Variants in TMEM132D observed in about 807,000 individuals in gnomAD.
The protein encoded by TMEM132D is mature OL transmembrane protein.
A neutral mutation model predicts 62.3 loss-of-function variants in TMEM132D; 21 were observed. The ratio of observed to expected loss-of-function variants is 0.34; its 90% CI spans 0.24 to 0.49. TMEM132D has a LOEUF of 0.49. Among genes scored for constraint, TMEM132D ranks in the 20% least tolerant of loss-of-function variants. The probability of loss-of-function intolerance (pLI) is 0.99; values close to 1 mark genes in which losing one functional copy is unlikely to be tolerated. For missense variants in TMEM132D, 1,346 were observed against 1,402.8 expected, an observed-to-expected ratio of 0.96 and a Z score of 0.65; for synonymous variants, 621 against 575.6, an observed-to-expected ratio of 1.08 and a Z score of -1.13.
chr12:129,368,936 G>C (rs914812198), intron 3 of TMEM132D, among the ~76,000 whole-genome samples: 1 of 152,050 alleles, frequency 6.6e-6, no homozygotes, highest in African/African-American at 2.4e-5. Context: ...CTGTTTCCTC[G>C]TTCCCACCTG....
At chr12:129,664,002 GGGA>G (rs1298936594) in intron 2 of TMEM132D, among the ~76,000 whole-genome samples, 1 of 152,142 alleles carries the variant, frequency 6.6e-6, no homozygotes, top group East Asian at 1.9e-4. Flanking sequence ...ACATTCAAAA[GGGA>G]GGAGAACTGT....
chr12:129,712,102 C>A (rs906091776), intron 1 of TMEM132D, among the ~76,000 whole-genome samples: 1 of 151,876 alleles, frequency 6.6e-6, no homozygotes, highest in Non-Finnish European at 1.5e-5. Flanking sequence ...ATGTTTTCAT[C>A]TTTATTATTT....
At chr12:129,343,737 C>T (rs751555979) in intron 3 of TMEM132D, among the ~76,000 whole-genome samples, 5 of 148,274 alleles carry the variant, frequency 3.4e-5, no homozygotes, top group Non-Finnish European at 7.4e-5. Context: ...CATGGTGAAG[C>T]CTCATCTCTT....
chr12:129,121,765 A>T (rs1876073191), intron 5 of TMEM132D, among the ~76,000 whole-genome samples: 1 of 152,206 alleles, frequency 6.6e-6, no homozygotes, highest in South Asian at 2.1e-4. Flanking sequence ...GATGATCAAA[A>T]GCCATGGTAA....
At chr12:129,833,871 G>T (rs1223027695) in intron 1 of TMEM132D, among the ~76,000 whole-genome samples, 1 of 152,090 alleles carries the variant, frequency 6.6e-6, no homozygotes, top group Non-Finnish European at 1.5e-5. Flanking sequence ...CTCGGCTGTT[G>T]TTCCTAATGC....
chr12:129,394,398 G>A (rs1190428935), intron 3 of TMEM132D, among the ~76,000 whole-genome samples: 2 of 152,274 alleles, frequency 1.3e-5, no homozygotes, highest in African/African-American at 4.8e-5. Context: ...GACCCAGTTG[G>A]TCAATACAAT....
intron 2 of TMEM132D, among the ~76,000 whole-genome samples, chr12:129,583,293 T>C (rs1213744591): frequency 6.6e-6 from 1 of 152,118 alleles, no homozygotes; most frequent in Admixed American, 6.5e-5. Flanking sequence ...AAAACTATAG[T>C]GATGGGAAGC....
At chr12:129,356,487 T>G (rs979131984) in intron 3 of TMEM132D, among the ~76,000 whole-genome samples, 7 of 151,316 alleles carry the variant, frequency 4.6e-5, no homozygotes, top group African/African-American at 1.7e-4. Flanking sequence ...GATGCCGAAG[T>G]CAATTAACAA....
intron 4 of TMEM132D, among the ~76,000 whole-genome samples, chr12:129,250,255 T>TG (rs1237157193): frequency 8.5e-5 from 13 of 152,210 alleles, no homozygotes; most frequent in Admixed American, 8.5e-4. Flanking sequence ...AAGGAATTCA[T>TG]GGCTAAGAAA....
Position 129,166,257 on chromosome 12 carries a change from C to T in TMEM132D, c.1443+43263G>A, listed in dbSNP as rs574346690. On this transcript the variant is annotated intron_variant, in intron 5 of 8. Coordinates refer to ENST00000422113, the MANE Select transcript of TMEM132D (RefSeq NM_133448.3). ...CTAACTCTCATTCGACTGAGTGTTGCGGCTACAATGGGGATGGGGGACTGT... is the reference window on the plus strand; with the variant it reads ...CTAACTCTCATTCGACTGAGTGTTGTGGCTACAATGGGGATGGGGGACTGT... Among the ~76,000 whole-genome samples, 18 of 134,612 alleles carry T rather than the reference C, an allele frequency of 1.3e-4. No individual in the cohort carries two copies. In the South Asian group the frequency reaches 2.4e-3, roughly 18 times the overall value. The allele number at this position is 134,612 out of a possible 152,430, so 88.3% of individuals were successfully genotyped here. A position where few individuals can be genotyped will look rare whatever the true frequency, so the allele number is the denominator to read the frequency against.
At position 129,422,639 on chromosome 12, in the gene TMEM132D, G is replaced by A. The variant is rs1287085711; in HGVS notation, c.1116-84822C>T. 5.3e-5 allele frequency among the ~76,000 whole-genome samples: 8 copies of A among 152,026 alleles called. No individual in the cohort carries two copies. The East Asian group carries it at 5.8e-4, about 11-fold the overall frequency. Reference sequence around the variant, plus strand: ...GGAAATTAATCTCGCCATGTCTATCGAAGTCAACAATTTACATATTCTTTG... The same window carrying A: ...GGAAATTAATCTCGCCATGTCTATCAAAGTCAACAATTTACATATTCTTTG... On this transcript the variant is annotated intron_variant, in intron 3 of 8. Coordinates refer to ENST00000422113, the MANE Select transcript of TMEM132D (RefSeq NM_133448.3).
At chr12:129,078,477 G>A in intron 8 of TMEM132D, 57 bp downstream of exon 8, 1 of 1,558,214 alleles carries the variant, frequency 6.4e-7, no homozygotes, top group Admixed American at 1.7e-5. Context: ...CCTGCCTGGT[G>A]TGTGATCCAC....
chr12:129,721,674 T>C (rs1048745049), intron 1 of TMEM132D, among the ~76,000 whole-genome samples: 1 of 152,082 alleles, frequency 6.6e-6, no homozygotes, highest in African/African-American at 2.4e-5. Context: ...CAGATGACCA[T>C]AGGGGCATGG....
chr12:129,518,788 T>C (rs985309259), intron 3 of TMEM132D, among the ~76,000 whole-genome samples: 8 of 152,168 alleles, frequency 5.3e-5, no homozygotes, highest in Admixed American at 5.2e-4. Context: ...CCTGTATTCC[T>C]AGCACTTAAG....
chr12:129,607,292 A>C (rs1420423346), intron 2 of TMEM132D, among the ~76,000 whole-genome samples: 1 of 151,982 alleles, frequency 6.6e-6, no homozygotes, highest in Non-Finnish European at 1.5e-5. Context: ...GTTCTCTCCC[A>C]GTGGGTCACG....
At chr12:129,211,585 T>C (rs1051962864) in intron 4 of TMEM132D, among the ~76,000 whole-genome samples, 5 of 152,342 alleles carry the variant, frequency 3.3e-5, no homozygotes, top group African/African-American at 1.2e-4. Context: ...AGATCTTATT[T>C]GTCATTTATG....
At chr12:129,754,770 G>A (rs913267249) in intron 1 of TMEM132D, among the ~76,000 whole-genome samples, 1 of 152,140 alleles carries the variant, frequency 6.6e-6, no homozygotes, top group Admixed American at 6.6e-5. Flanking sequence ...AAAGACCAAA[G>A]AGACAGCGAT....
chr12:129,506,497 G>C (rs1469227692), intron 3 of TMEM132D, among the ~76,000 whole-genome samples: 1 of 152,054 alleles, frequency 6.6e-6, no homozygotes, highest in Non-Finnish European at 1.5e-5. Context: ...CATGGTACTG[G>C]TATAAAAATA....
intron 3 of TMEM132D, among the ~76,000 whole-genome samples, chr12:129,450,791 C>T (rs1873255754): frequency 7.5e-6 from 1 of 133,162 alleles, no homozygotes; most frequent in Admixed American, 8.9e-5. Flanking sequence ...GAGTCTCACT[C>T]TGTCGCCCAG....
Sources: allele counts gnomAD v4.1 joint callset (sites outside exome capture counted in the v4.1 genomes callset), GRCh38; gene constraint gnomAD v4.1.1; transcripts MANE v1.5; gene names NCBI Gene and HGNC (gene_info 2026-07-23, HGNC 2026-07-21).